WRAP53: variants seen among roughly 807,000 people sequenced by gnomAD.
WRAP53 encodes the protein WD repeat containing antisense to TP53, also known as telomerase Cajal body protein 1.
In WRAP53, 28 loss-of-function variants were observed where a neutral mutation model predicts 56.6. That is an observed-to-expected ratio of 0.50 (90% CI 0.37 to 0.68). The LOEUF (loss-of-function observed/expected upper bound fraction) is 0.68, where lower values mean the gene tolerates loss of function less well. Ranked by LOEUF, WRAP53 falls within the 30% of genes least tolerant of loss-of-function variation. The pLI, the probability that WRAP53 is intolerant of heterozygous loss-of-function variation, is 0.00. For missense variants in WRAP53, 671 were observed against 715.5 expected (o/e 0.94, Z 0.71); for synonymous variants, 283 against 283.4 (o/e 1.00, Z 0.01).
intron 4 of WRAP53, among the ~76,000 whole-genome samples, chr17:7,693,990 T>C (rs953882820): frequency 6.6e-6 from 1 of 151,654 alleles, no homozygotes; most frequent in Non-Finnish European, 1.5e-5. Flanking sequence ...ATGGTAGAAA[T>C]AGCAGAGCAG....
intron 4 of WRAP53, among the ~76,000 whole-genome samples, chr17:7,697,146 T>C (rs2151091925): frequency 6.7e-6 from 1 of 149,962 alleles, no homozygotes; most frequent in South Asian, 2.1e-4. Flanking sequence ...CATGGCAAAA[T>C]CCCGTCTCTA....
In WRAP53 at chr17:7,702,056, A is replaced by G. The variant is rs928679117; in HGVS notation, c.955+267A>G. 9 of 731,496 alleles carry G rather than the reference A, an allele frequency of 1.2e-5. No individual in the cohort carries two copies. Among genetic ancestry groups the G allele is most frequent in the Non-Finnish European group, 1.9e-5 (8 of 415,634 alleles). 45.3% of individuals were successfully genotyped at this position (731,496 alleles called of 1,614,324 possible). A position where few individuals can be genotyped will look rare whatever the true frequency, so the allele number is the denominator to read the frequency against. ...AGCTTTTGGTCTCTGAAATCTTTCT[A>G]GAAAATTGTTGATAAAGCTGATTCC... is the stretch of plus-strand genomic sequence containing the variant. On this transcript the variant is annotated intron_variant, in intron 7 of 10. Coordinates refer to ENST00000396463, the MANE Select transcript of WRAP53 (RefSeq NM_001143992.2). The surrounding 1 kb of genome is among the most constrained non-coding windows in gnomAD (Gnocchi z 5.0).
chr17:7,692,582 C>G (rs1019630116), intron 4 of WRAP53, among the ~76,000 whole-genome samples: 1 of 139,408 alleles, frequency 7.2e-6, no homozygotes, highest in African/African-American at 2.6e-5. Context: ...GATTGCACCA[C>G]TGCACTCCAG....
rs1254646287 is a variant in WRAP53 at position 7,702,836 on chromosome 17, G to C, written c.1258G>C (p.Asp420His). 2.5e-6 allele frequency: 4 copies of C among 1,613,776 alleles called. No homozygotes were observed. Among genetic ancestry groups the C allele is most frequent in the East Asian group, 2.2e-5 (1 of 44,896 alleles). The change falls in exon 9 of 11, where the codon GAT becomes CAT. Residue 420 changes from aspartate to histidine, a missense_variant. Asp to His is a moderately conservative substitution (Grantham distance 81, BLOSUM62 -1). Around this residue, in one of 3 missense-constraint regions of WRAP53, gnomAD observed 158 missense variants for 215.7 expected, o/e 0.73. Coordinates refer to ENST00000396463, the MANE Select transcript of WRAP53 (RefSeq NM_001143992.2). The surrounding 1 kb of genome is among the most constrained non-coding windows in gnomAD (Gnocchi z 5.0). The part of the protein sequence containing the change: ...EVTTNQRIYF[D>H]LDPTGQFLVS... ...GACCACCAATCAGCGCATCTACTTC[G>C]ATCTGGACCCGTGAGTGGCTGTGAC... is the stretch of plus-strand genomic sequence containing the variant.
Position 7,701,439 on chromosome 17 carries a change from A to G in WRAP53, c.732-20A>G. 2 of 1,613,884 alleles carry G rather than the reference A, an allele frequency of 1.2e-6. No individual in the cohort carries two copies. The highest frequency in any genetic ancestry group is 2.7e-5 in the African/African-American group (2 of 75,050). On this transcript the variant is annotated intron_variant, in intron 5 of 10. Coordinates refer to ENST00000396463, the MANE Select transcript of WRAP53 (RefSeq NM_001143992.2). The surrounding 1 kb of genome is among the most constrained non-coding windows in gnomAD (Gnocchi z 4.2). ...CTTCCTTTGACAGCACCGGGGTTTC[A>G]GTGTCCATGTCTCTCTCAGCGTGGC...
At chr17:7,689,168 G>A (rs887378979) in intron 2 of WRAP53, 56 bp from the exon 3 acceptor site, 2 of 1,613,546 alleles carry the variant, frequency 1.2e-6, no homozygotes, top group Non-Finnish European at 1.7e-6. Context: ...ACTTCTCCAG[G>A]CCTCTGCCCC....
Position 7,702,771 on chromosome 17 carries a change from G to C in WRAP53, c.1193G>C (p.Arg398Pro), listed in dbSNP as rs768411006. Residue 398 changes from arginine to proline, a missense_variant, in exon 9 of 11, where the codon CGG becomes CCG. By Grantham distance (103) the Arg-to-Pro change is moderately radical. Around this residue, in one of 3 missense-constraint regions of WRAP53, gnomAD observed 158 missense variants for 215.7 expected, o/e 0.73. Transcript: ENST00000396463. This position sits in a 1 kb window ranked among gnomAD's most constrained non-coding sequence, Gnocchi z 5.0. ...GCTGAGCTCCTGTGCTGGGATCTCCGGCAGTCTGGTTACCCACTGTGGTCC... is the reference window on the plus strand; with the variant it reads ...GCTGAGCTCCTGTGCTGGGATCTCCCGCAGTCTGGTTACCCACTGTGGTCC... ...KDAELLCWDL[R>P]QSGYPLWSLG... The C allele has an allele frequency of 2.5e-6, 4 of 1,613,712 alleles. No homozygotes were observed. The Admixed American group carries it at 6.7e-5, about 27-fold the overall frequency.
chr17:7,696,273 A>G (rs959359647), intron 4 of WRAP53, among the ~76,000 whole-genome samples: 2 of 150,352 alleles, frequency 1.3e-5, no homozygotes, highest in Non-Finnish European at 2.9e-5. Flanking sequence ...TGAGAGTCAA[A>G]ATGGCGGGAC....
chr17:7,689,517 G>A, intron 3 of WRAP53, 73 bp from the exon 4 acceptor site: 1 of 1,473,396 alleles, frequency 6.8e-7, no homozygotes, highest in Non-Finnish European at 9.5e-7. Flanking sequence ...CTACCCCAGA[G>A]GCAGGCTCAG....
Position 7,701,058 on chromosome 17 carries a change from C to T in WRAP53, c.731+229C>T, listed in dbSNP as rs555520358. ...TGCAGTCTCAGCTCACTGCAACCTC[C>T]GCCTCCCAGGTTGAAGTGATTCTCC... On this transcript the variant is annotated intron_variant, in intron 5 of 10. Coordinates refer to ENST00000396463, the MANE Select transcript of WRAP53 (RefSeq NM_001143992.2). This position sits in a 1 kb window ranked among gnomAD's most constrained non-coding sequence, Gnocchi z 4.2. 2.0e-4 allele frequency among the ~76,000 whole-genome samples: 30 copies of T among 152,040 alleles called. No homozygotes were observed. The highest frequency in any genetic ancestry group is 6.3e-4 in the African/African-American group (26 of 41,482).
intron 4 of WRAP53, among the ~76,000 whole-genome samples, chr17:7,691,225 C>T (rs2074103426): frequency 7.3e-6 from 1 of 136,198 alleles, no homozygotes; most frequent in East Asian, 1.9e-4. Context: ...AACAAACAAA[C>T]AAACAAACAA....
rs373124631 is a variant in WRAP53, at chr17:7,702,930, G to C, written c.1269-63G>C. 1 of 1,612,798 alleles carries C rather than the reference G, an allele frequency of 6.2e-7. No individual in the cohort carries two copies. Among genetic ancestry groups the C allele is most frequent in the Non-Finnish European group, 8.5e-7 (1 of 1,179,970 alleles). On this transcript the variant is annotated intron_variant, in intron 9 of 10. Coordinates refer to ENST00000396463, the MANE Select transcript of WRAP53 (RefSeq NM_001143992.2). The surrounding 1 kb of genome is among the most constrained non-coding windows in gnomAD (Gnocchi z 5.0). ...CCAGCTGTAGGGTCCCAGTCCCTGGGTGTGAGGGGTTCCTGCCCCAGGGGT... is the reference window on the plus strand; with the variant it reads ...CCAGCTGTAGGGTCCCAGTCCCTGGCTGTGAGGGGTTCCTGCCCCAGGGGT...
chr17:7,689,452 A>G, intron 3 of WRAP53, 130 bp downstream of exon 3: 5 of 1,263,856 alleles, frequency 4.0e-6, no homozygotes, highest in South Asian at 1.2e-5. Flanking sequence ...CTGAGCTTAC[A>G]TTTTATCTAG....
chr17:7,699,496 A>ATATATATATT lies in WRAP53; in HGVS notation c.643-1240_643-1239insATATTTATAT, dbSNP rs1567577485. On this transcript the variant is annotated intron_variant, in intron 4 of 10. Coordinates refer to ENST00000396463, the MANE Select transcript of WRAP53 (RefSeq NM_001143992.2). Reference sequence around the variant, plus strand: ...TATATTTATATATATATATATATATATATATTTATATATATATATATATAT... The same window carrying ATATATATATT: ...TATATTTATATATATATATATATATATATATATATTTATATTTATATATATATATATATAT... 3.5e-3 allele frequency among the ~76,000 whole-genome samples: 43 copies of ATATATATATT among 12,184 alleles called. 1 individual carries two copies. Among genetic ancestry groups the ATATATATATT allele is most frequent in the Non-Finnish European group, 4.8e-3 (36 of 7,530 alleles). The allele number at this position is 12,184 out of a possible 152,430, so 8.0% of individuals were successfully genotyped here. A position where few individuals can be genotyped will look rare whatever the true frequency, so the allele number is the denominator to read the frequency against.
intron 4 of WRAP53, among the ~76,000 whole-genome samples, chr17:7,699,897 G>A (rs1330915525): frequency 2.0e-5 from 3 of 151,404 alleles, no homozygotes; most frequent in African/African-American, 7.3e-5. Context: ...ACCATGCCCA[G>A]CTAATTTTTT....
chr17:7,693,687 C>T (rs940032231), intron 4 of WRAP53, among the ~76,000 whole-genome samples: 2 of 151,796 alleles, frequency 1.3e-5, no homozygotes, highest in African/African-American at 2.4e-5. Flanking sequence ...CACTGCACTC[C>T]AGCCTGGGCA....
Position 7,702,764 on chromosome 17 carries a change from G to C in WRAP53, c.1186G>C (p.Asp396His). ...ARKDAELLCW[D>H]LRQSGYPLWS... is the part of the protein sequence containing the mutation. The stretch of plus-strand genomic sequence containing the variant: ...CCAGGATGCTGAGCTCCTGTGCTGG[G>C]ATCTCCGGCAGTCTGGTTACCCACT... Residue 396 changes from aspartate to histidine, a missense_variant, in exon 9 of 11, where the codon GAT becomes CAT. By Grantham distance (81) the Asp-to-His change is moderately conservative. Around this residue, in one of 3 missense-constraint regions of WRAP53, gnomAD observed 158 missense variants for 215.7 expected, o/e 0.73. Transcript: ENST00000396463. The surrounding 1 kb of genome is among the most constrained non-coding windows in gnomAD (Gnocchi z 5.0). 1.2e-6 allele frequency: 2 copies of C among 1,613,790 alleles called. No homozygotes were observed. The highest frequency in any genetic ancestry group is 1.7e-5 in the Admixed American group (1 of 60,018).
chr17:7,687,956 A>T, upstream of WRAP53: 1 of 211,240 alleles, frequency 4.7e-6, no homozygotes, highest in Non-Finnish European at 9.3e-6. Flanking sequence ...CACAACCCTT[A>T]TCACTCTGAT....
intron 4 of WRAP53, among the ~76,000 whole-genome samples, chr17:7,695,098 A>G (rs1235870851): frequency 8.6e-5 from 13 of 151,750 alleles, no homozygotes; most frequent in Admixed American, 4.6e-4. Flanking sequence ...GACTACACGC[A>G]CCCACTGCCA....
Sources: gnomAD v4.1 joint callset for allele counts (sites outside exome capture counted in the v4.1 genomes callset) on GRCh38, gnomAD v4.1.1 for gene constraint, gnomAD v4.1.1 regional missense constraint, Gnocchi (gnomAD v3.1) non-coding constraint, MANE v1.5 for transcripts, NCBI Gene and HGNC (gene_info 2026-07-23, HGNC 2026-07-21) for gene names.